The following NFIX variants were observed in gnomAD, a reference collection of about 807,000 sequenced individuals.
NFIX encodes nuclear factor 1 X-type.
In NFIX, 2 loss-of-function variants were observed where a neutral mutation model predicts 53.3. The observed-to-expected ratio is 0.04, with a 90% confidence interval of 0.02 to 0.12. The LOEUF is 0.12. NFIX is among the 10% of genes least tolerant of loss of function. The pLI is 1.00. For synonymous variants in NFIX, 244 were observed against 289.0 expected (o/e 0.84, Z 1.58); for missense variants, 310 against 674.5 (o/e 0.46, Z 5.99).
At chr19:13,084,693 C>T (rs2017670119) in intron 8 of NFIX, among the ~76,000 whole-genome samples, 1 of 152,116 alleles carries the variant, frequency 6.6e-6, no homozygotes. Flanking sequence ...GAGCATGACT[C>T]CGGGAGGCAG....
chr19:13,018,229 G>A (rs993886900), intron 1 of NFIX, among the ~76,000 whole-genome samples: 2 of 151,702 alleles, frequency 1.3e-5, no homozygotes, highest in African/African-American at 4.8e-5. Flanking sequence ...GGGTAAGGGA[G>A]ATGTGCCTGG....
At chr19:13,010,325 T>C (rs951416178) in intron 1 of NFIX, among the ~76,000 whole-genome samples, 1 of 152,206 alleles carries the variant, frequency 6.6e-6, no homozygotes, top group Non-Finnish European at 1.5e-5. Flanking sequence ...CCCCTGGCCC[T>C]GCGGCCCCGA....
At chr19:13,042,438 T>A (rs939313003) in intron 2 of NFIX, among the ~76,000 whole-genome samples, 7 of 123,518 alleles carry the variant, frequency 5.7e-5, no homozygotes, top group African/African-American at 2.2e-4. Context: ...CACTGCAACC[T>A]CTACCTCCAG....
intron 2 of NFIX, among the ~76,000 whole-genome samples, chr19:13,053,999 C>T (rs939672018): frequency 6.6e-6 from 1 of 152,222 alleles, no homozygotes; most frequent in South Asian, 2.1e-4. Flanking sequence ...CTGCGGCCAG[C>T]GGCATTCTTT....
rs1442635858 is a variant in NFIX at position 13,097,332 on chromosome 19, A to G, written c.*2683A>G. 1.3e-5 allele frequency: 2 copies of G among 152,412 alleles called. No individual in the cohort carries two copies. Among genetic ancestry groups the G allele is most frequent in the Non-Finnish European group, 2.9e-5 (2 of 67,988 alleles). The allele number at this position is 152,412 out of a possible 1,614,324, so 9.4% of individuals were successfully genotyped here. A position where few individuals can be genotyped will look rare whatever the true frequency, so the allele number is the denominator to read the frequency against. Reference sequence around the variant, plus strand: ...AAAAAAAACACCTCGACATTTAAAAAATCAACCAACACAAGATCAAAAAGG... The same window carrying G: ...AAAAAAAACACCTCGACATTTAAAAGATCAACCAACACAAGATCAAAAAGG... On this transcript the variant is annotated 3_prime_UTR_variant, in exon 11 of 11. Transcript: ENST00000592199.
chr19:13,076,124 C>T (rs1218905127), intron 6 of NFIX, among the ~76,000 whole-genome samples: 1 of 152,174 alleles, frequency 6.6e-6, no homozygotes, highest in African/African-American at 2.4e-5. Flanking sequence ...GCAGCAAAAC[C>T]CCCACCCCCA....
rs1599714071 is a variant in NFIX, at chr19:13,009,909, G to T, written c.27+14045G>T. 6.6e-6 allele frequency among the ~76,000 whole-genome samples: 1 copy of T among 152,266 alleles called. No homozygotes were observed. The highest frequency in any genetic ancestry group is 2.1e-4 in the South Asian group (1 of 4,830). ...AGAACGGGGCCGGGGGTCTTCAAAG[G>T]CAGAGAAGTCTCAGGACTTCAAACC... On this transcript the variant is annotated intron_variant, in intron 1 of 10. Coordinates refer to ENST00000592199, the MANE Select transcript of NFIX (RefSeq NM_001365902.3). This position sits in a 1 kb window ranked among gnomAD's most constrained non-coding sequence, Gnocchi z 4.7.
rs1370203559 is a variant in NFIX, at chr19:13,074,408, G to A, written c.818+382G>A. ...TATCCCAGTTCAGCCTGCACAGGCT[G>A]GCGGGGCACCCTGCAGAGGGCTTTG... On this transcript the variant is annotated intron_variant, in intron 5 of 10. Transcript: ENST00000592199. Among the ~76,000 whole-genome samples, 3 of 152,210 alleles carry A rather than the reference G, an allele frequency of 2.0e-5. No homozygotes were observed. The East Asian group carries it at 5.8e-4, about 29-fold the overall frequency.
chr19:13,074,671 C>G lies in NFIX; in HGVS notation c.818+645C>G, dbSNP rs547615824. 1.0e-3 allele frequency among the ~76,000 whole-genome samples: 151 copies of G among 146,664 alleles called. 1 individual carries two copies. The highest frequency in any genetic ancestry group is 7.1e-3 in the Middle Eastern group (2 of 280). ...GGGAGGCAGGGATGTGGGTTCTGGC[C>G]AGGGCAAGTTGTGCTGGGCAGGGTC... On this transcript the variant is annotated intron_variant, in intron 5 of 10. Coordinates refer to ENST00000592199, the MANE Select transcript of NFIX (RefSeq NM_001365902.3).
chr19:13,076,221 A>G (rs996009792), intron 6 of NFIX, among the ~76,000 whole-genome samples: 1 of 152,166 alleles, frequency 6.6e-6, no homozygotes, highest in African/African-American at 2.4e-5. Context: ...ACTGGTCTCA[A>G]GGGCCCAGCT....
chr19:13,091,565 A>G (rs1468613991), intron 10 of NFIX, among the ~76,000 whole-genome samples: 1 of 152,098 alleles, frequency 6.6e-6, no homozygotes, highest in Non-Finnish European at 1.5e-5. Flanking sequence ...GCAACCAGAC[A>G]TGATGTAACA....
chr19:13,025,603 A>G lies in NFIX; in HGVS notation c.559+51A>G. On this transcript the variant is annotated intron_variant, in intron 2 of 10. Coordinates refer to ENST00000592199, the MANE Select transcript of NFIX (RefSeq NM_001365902.3). This position sits in a 1 kb window ranked among gnomAD's most constrained non-coding sequence, Gnocchi z 7.5. ...CTCTCATTTTATTTTCCTTGCTGGCATTTGTTCTGTTTATTGTTCCTCTAA... is the reference window on the plus strand; with the variant it reads ...CTCTCATTTTATTTTCCTTGCTGGCGTTTGTTCTGTTTATTGTTCCTCTAA... 6.4e-7 allele frequency: 1 copy of G among 1,574,316 alleles called. No homozygotes were observed. The highest frequency in any genetic ancestry group is 8.6e-7 in the Non-Finnish European group (1 of 1,161,782).
rs1049363378 is a variant in NFIX, at chr19:13,014,744, A to G, written c.28-10277A>G. 3.9e-5 allele frequency among the ~76,000 whole-genome samples: 6 copies of G among 152,330 alleles called. No homozygotes were observed. The highest frequency in any genetic ancestry group is 1.4e-4 in the African/African-American group (6 of 41,580). On this transcript the variant is annotated intron_variant, in intron 1 of 10. Coordinates refer to ENST00000592199, the MANE Select transcript of NFIX (RefSeq NM_001365902.3). The surrounding 1 kb of genome is among the most constrained non-coding windows in gnomAD (Gnocchi z 4.4). ...CAGAGGAGTGCTCTTGCCACTGGCC[A>G]CAGGGCCTGGATTTGGGGAGGAAGA...
At chr19:13,004,390 A>G (rs2011898678) in intron 1 of NFIX, among the ~76,000 whole-genome samples, 1 of 152,078 alleles carries the variant, frequency 6.6e-6, no homozygotes, top group South Asian at 2.1e-4. Context: ...TGTCGCATAT[A>G]TACCCCATTT....
intron 2 of NFIX, among the ~76,000 whole-genome samples, chr19:13,031,974 C>T (rs1254620056): frequency 6.6e-6 from 1 of 151,512 alleles, no homozygotes; most frequent in Non-Finnish European, 1.5e-5. Context: ...TCCCATCCCT[C>T]CACCCCCGCC....
rs2015392378 is a variant in NFIX at position 13,052,561 on chromosome 19, G to A, written c.560-20486G>A. Among the ~76,000 whole-genome samples, 1 of 152,186 alleles carries A rather than the reference G, an allele frequency of 6.6e-6. No individual in the cohort carries two copies. Among genetic ancestry groups the A allele is most frequent in the Non-Finnish European group, 1.5e-5 (1 of 68,028 alleles). On this transcript the variant is annotated intron_variant, in intron 2 of 10. Coordinates refer to ENST00000592199, the MANE Select transcript of NFIX (RefSeq NM_001365902.3). This position sits in a 1 kb window ranked among gnomAD's most constrained non-coding sequence, Gnocchi z 5.2. Reference sequence around the variant, plus strand: ...CTGCTGAGGGCCATGTCAGGGTGAAGGGGGCACACTCCTGGCTTAGATAAG... The same window carrying A: ...CTGCTGAGGGCCATGTCAGGGTGAAAGGGGCACACTCCTGGCTTAGATAAG...
At chr19:13,091,767 G>A (rs139012291) in intron 10 of NFIX, among the ~76,000 whole-genome samples, 1 of 152,204 alleles carries the variant, frequency 6.6e-6, no homozygotes, top group South Asian at 2.1e-4. Context: ...AGGCTTCAGG[G>A]TTCCATCGCT....
At chr19:13,085,615 C>T (rs921148475) in intron 8 of NFIX, among the ~76,000 whole-genome samples, 2 of 152,236 alleles carry the variant, frequency 1.3e-5, no homozygotes, top group African/African-American at 4.8e-5. Flanking sequence ...CACAAAAGTT[C>T]TCCAGCCCTT....
chr19:13,041,793 C>CAAAA (rs755429201), intron 2 of NFIX, among the ~76,000 whole-genome samples: 99 of 103,354 alleles, frequency 9.6e-4, no homozygotes, highest in African/African-American at 3.0e-3. Context: ...GACTCCGTCT[C>CAAAA]AAAAAAAAAA....
Sources: gnomAD v4.1 joint callset for allele counts (sites outside exome capture counted in the v4.1 genomes callset) on GRCh38, gnomAD v4.1.1 for gene constraint, Gnocchi (gnomAD v3.1) non-coding constraint, MANE v1.5 for transcripts, NCBI Gene and HGNC (gene_info 2026-07-23, HGNC 2026-07-21) for gene names.